The following ARHGEF28 variants were observed in gnomAD, a reference collection of about 807,000 sequenced individuals.
ARHGEF28 encodes 190 kDa guanine nucleotide exchange factor.
ARHGEF28 carries 152 observed loss-of-function variants against 206.6 expected under a neutral mutation model. The observed-to-expected ratio is 0.74, with a 90% CI of 0.64 to 0.84. The LOEUF (loss-of-function observed/expected upper bound fraction) is 0.84. Among genes scored for constraint, ARHGEF28 ranks in the 40% least tolerant of loss-of-function variants. ARHGEF28 has a pLI of 0.00. For missense variants in ARHGEF28, 2,028 were observed against 2,073.2 expected, an observed-to-expected ratio of 0.98 and a Z score of 0.42; for synonymous variants, 763 against 776.4, an observed-to-expected ratio of 0.98 and a Z score of 0.29.
chr5:73,772,121 ATAAT>A (rs1424611170), intron 4 of ARHGEF28, among the ~76,000 whole-genome samples: 15 of 152,162 alleles, frequency 9.9e-5, no homozygotes, highest in African/African-American at 2.9e-4. Flanking sequence ...AGATATATAA[ATAAT>A]TAAAAATGTA....
intron 2 of ARHGEF28, among the ~76,000 whole-genome samples, chr5:73,715,750 C>T (rs1285497521): frequency 1.3e-5 from 2 of 152,174 alleles, no homozygotes; most frequent in Non-Finnish European, 2.9e-5. Context: ...GTGCTACTAT[C>T]GTGATACGCT....
Position 73,683,826 on chromosome 5 carries a change from C to A in ARHGEF28, c.-11-1015C>A, listed in dbSNP as rs151192871. Among the ~76,000 whole-genome samples, 363 of 152,244 alleles carry A rather than the reference C, an allele frequency of 2.4e-3. 2 individuals carry two copies. The highest frequency in any genetic ancestry group is 8.3e-3 in the African/African-American group (343 of 41,548). ...ACTCTGACTTTGGAATCACCTGGAG[C>A]CAAGCGATGAACACAGGTGAAGCTT... On this transcript the variant is annotated intron_variant, in intron 1 of 35. Coordinates refer to ENST00000513042, the MANE Select transcript of ARHGEF28 (RefSeq NM_001177693.2).
chr5:73,775,806 A>G lies in ARHGEF28; in HGVS notation c.660-710A>G, dbSNP rs187535941. Among the ~76,000 whole-genome samples the G allele has an allele frequency of 5.4e-4, 82 of 152,308 alleles. 1 individual carries two copies. The East Asian group carries it at 0.016, about 29-fold the overall frequency. On this transcript the variant is annotated intron_variant, in intron 5 of 35. Transcript: ENST00000513042. ...CATCCAGAATATTGCGATACTAACCATGAAGCCTGAATGTAATTTACAAAT... is the reference window on the plus strand; with the variant it reads ...CATCCAGAATATTGCGATACTAACCGTGAAGCCTGAATGTAATTTACAAAT...
intron 9 of ARHGEF28, chr5:73,813,801 C>G: frequency 1.0e-6 from 1 of 958,656 alleles, no homozygotes; most frequent in South Asian, 1.6e-5. Flanking sequence ...ATAAAACACT[C>G]ACTGTACAGA....
At chr5:73,671,663 T>TCAGTATCA in intron 1 of ARHGEF28, among the ~76,000 whole-genome samples, 1 of 143,680 alleles carries the variant, frequency 7.0e-6, no homozygotes, top group South Asian at 2.3e-4. Context: ...CAGAGAATTG[T>TCAGTATCA]CAGTATCAGC....
intron 35 of ARHGEF28, among the ~76,000 whole-genome samples, chr5:73,926,846 T>C (rs1029083385): frequency 2.0e-5 from 3 of 152,238 alleles, no homozygotes; most frequent in Admixed American, 6.5e-5. Context: ...TGTGAGGTAA[T>C]AGGCTTCTTA....
Position 73,885,972 on chromosome 5 carries a change from A to G in ARHGEF28, c.3178A>G (p.Lys1060Glu). Residue 1060 changes from lysine to glutamate, a missense_variant, in exon 25 of 36, where the codon AAG becomes GAG. Around this residue, in one of 3 missense-constraint regions of ARHGEF28, gnomAD observed 223 missense variants for 289.9 expected, o/e 0.77. Transcript: ENST00000513042. ...KNQKWLEILN[K>E]IENKTYTKLK... is the part of the protein sequence containing the mutation. ...CCAAAAATGGCTTGAGATCCTAAAT[A>G]AGATTGAAAACAAAACATACACGAA... 2 of 1,613,804 alleles carry G rather than the reference A, an allele frequency of 1.2e-6. No homozygotes were observed. The highest frequency in any genetic ancestry group is 1.7e-6 in the Non-Finnish European group (2 of 1,179,808).
intron 24 of ARHGEF28, among the ~76,000 whole-genome samples, chr5:73,884,108 G>A (rs954756681): frequency 6.6e-6 from 1 of 152,120 alleles, no homozygotes; most frequent in Non-Finnish European, 1.5e-5. Context: ...AAACCAAGCT[G>A]GCTTCTTCTT....
chr5:73,684,319 A>C (rs1456672338), intron 1 of ARHGEF28, among the ~76,000 whole-genome samples: 1 of 152,244 alleles, frequency 6.6e-6, no homozygotes, highest in Non-Finnish European at 1.5e-5. Context: ...AAGTAGAATC[A>C]TACAGTATTT....
intron 2 of ARHGEF28, among the ~76,000 whole-genome samples, chr5:73,735,349 G>A (rs775285378): frequency 2.6e-5 from 4 of 152,010 alleles, no homozygotes; most frequent in Non-Finnish European, 5.9e-5. Context: ...TCCTAAGATA[G>A]GCAGGCACTG....
intron 24 of ARHGEF28, among the ~76,000 whole-genome samples, 167 bp from the exon 25 acceptor site, chr5:73,885,683 T>C (rs1761236745): frequency 6.6e-6 from 1 of 152,144 alleles, no homozygotes; most frequent in Admixed American, 6.5e-5. Context: ...TTTTGCCATG[T>C]TGCCCAGGCT....
intron 16 of ARHGEF28, among the ~76,000 whole-genome samples, chr5:73,862,776 A>G (rs1023181427): frequency 6.6e-6 from 1 of 151,942 alleles, no homozygotes; most frequent in Non-Finnish European, 1.5e-5. Context: ...AAAAGTTGAC[A>G]CTTTTATTCA....
intron 2 of ARHGEF28, among the ~76,000 whole-genome samples, chr5:73,707,036 T>G (rs1257432554): frequency 2.0e-5 from 3 of 152,214 alleles, no homozygotes; most frequent in African/African-American, 7.2e-5. Flanking sequence ...GATCCTGGCC[T>G]GGTCACTTGA....
rs1760121355 is a variant in ARHGEF28, at chr5:73,871,776, C to T, written c.2567-1223C>T. On this transcript the variant is annotated intron_variant, in intron 21 of 35. Transcript: ENST00000513042. ...AGTCACTCCCCATTTACCCCTTCCGCCAGCCTCTGGCAAACACTAGTCTAC... is the reference window on the plus strand; with the variant it reads ...AGTCACTCCCCATTTACCCCTTCCGTCAGCCTCTGGCAAACACTAGTCTAC... 1.3e-5 allele frequency among the ~76,000 whole-genome samples: 2 copies of T among 152,222 alleles called. 1 individual carries two copies. Among genetic ancestry groups the T allele is most frequent in the East Asian group, 3.8e-4 (2 of 5,198 alleles).
intron 1 of ARHGEF28, among the ~76,000 whole-genome samples, chr5:73,671,564 A>G (rs1168731932): frequency 6.6e-6 from 1 of 151,528 alleles, no homozygotes; most frequent in African/African-American, 2.4e-5. Context: ...TAGAAATGAG[A>G]TATTGATGAA....
chr5:73,795,392 G>T lies in ARHGEF28; in HGVS notation c.1024+1G>T. On this transcript the variant is annotated splice_donor_variant, in intron 9 of 35. Coordinates refer to ENST00000513042, the MANE Select transcript of ARHGEF28 (RefSeq NM_001177693.2). LOFTEE classifies it high-confidence loss of function. ...GAAGACCAGCACAGCCTAGATTTGG[G>T]TATGAAATAACGCTTTTACCTATAC... is the stretch of plus-strand genomic sequence containing the variant. 1 of 1,613,048 alleles carries T rather than the reference G, an allele frequency of 6.2e-7. No homozygotes were observed.
Position 73,799,614 on chromosome 5 carries a change from CT to C in ARHGEF28, c.1024+4224del, listed in dbSNP as rs559544148. 2.4e-4 allele frequency among the ~76,000 whole-genome samples: 36 copies of C among 152,224 alleles called. No individual in the cohort carries two copies. In the South Asian group the frequency reaches 7.5e-3, roughly 32 times the overall value. On this transcript the variant is annotated intron_variant, in intron 9 of 35. Transcript: ENST00000513042. ...GACACTCATACTGAAGCTGATTTTC[CT>C]GCAATAATATATCACTCATGGTCTG...
At chr5:73,910,417 A>G (rs1312956117) in intron 34 of ARHGEF28, among the ~76,000 whole-genome samples, 3 of 139,338 alleles carry the variant, frequency 2.2e-5, no homozygotes, top group Non-Finnish European at 3.1e-5. Flanking sequence ...GGACAATGTG[A>G]GGGCCCAAGT....
chr5:73,813,775 G>A, intron 9 of ARHGEF28: 1 of 1,263,016 alleles, frequency 7.9e-7, no homozygotes, highest in Non-Finnish European at 1.1e-6. Flanking sequence ...TGTAGCGCGT[G>A]TTTATACGTG....
Sources: gnomAD v4.1 joint callset for allele counts (sites outside exome capture counted in the v4.1 genomes callset) on GRCh38, gnomAD v4.1.1 for gene constraint, gnomAD v4.1.1 regional missense constraint, MANE v1.5 for transcripts, NCBI Gene and HGNC (gene_info 2026-07-23, HGNC 2026-07-21) for gene names.